The following CERS3 variants were observed in gnomAD, a reference collection of about 807,000 sequenced individuals.
The protein encoded by CERS3 is LAG1 homolog, ceramide synthase 3.
In CERS3, 33 loss-of-function variants were observed where a neutral mutation model predicts 50.3. The ratio of observed to expected loss-of-function variants is 0.66; its 90% CI spans 0.50 to 0.88. The LOEUF (loss-of-function observed/expected upper bound fraction) is 0.88. Among genes scored for constraint, CERS3 ranks in the 40% least tolerant of loss-of-function variants. The probability of loss-of-function intolerance (pLI) is 0.00; values close to 1 mark genes in which losing one functional copy is unlikely to be tolerated. For missense variants in CERS3, 470 were observed against 460.3 expected, an observed-to-expected ratio of 1.02 and a Z score of -0.19; for synonymous variants, 176 against 155.2, an observed-to-expected ratio of 1.13 and a Z score of -0.99.
rs569793481 is a variant in CERS3 at position 100,400,972 on chromosome 15, C to T, written c.*1741G>A. On this transcript the variant is annotated 3_prime_UTR_variant, in exon 12 of 12. Coordinates refer to ENST00000679737, the MANE Select transcript of CERS3 (RefSeq NM_001378789.1). ...AATCTGACCTTGTTTGTAACAATTT[C>T]TCAGAAAGAGATATTGTTGTGGAAA... 2 of 152,210 alleles carry T rather than the reference C, an allele frequency of 1.3e-5. No individual in the cohort carries two copies. Among genetic ancestry groups the T allele is most frequent in the African/African-American group, 4.8e-5 (2 of 41,528 alleles). The allele number at this position is 152,210 out of a possible 1,614,324, so 9.4% of individuals were successfully genotyped here. A position where few individuals can be genotyped will look rare whatever the true frequency, so the allele number is the denominator to read the frequency against.
At chr15:100,421,160 A>T (rs1390722589) in intron 11 of CERS3, among the ~76,000 whole-genome samples, 2 of 151,848 alleles carry the variant, frequency 1.3e-5, no homozygotes, top group African/African-American at 4.9e-5. Context: ...TTTGCAGACA[A>T]CATGATTGTA....
At chr15:100,440,023 C>T (rs2033609933) in intron 11 of CERS3, among the ~76,000 whole-genome samples, 1 of 152,178 alleles carries the variant, frequency 6.6e-6, no homozygotes, top group African/African-American at 2.4e-5. Flanking sequence ...TTCCAAGCTT[C>T]ACTCCCCCAG....
chr15:100,503,423 C>T (rs1172297696), intron 2 of CERS3, among the ~76,000 whole-genome samples: 1 of 152,178 alleles, frequency 6.6e-6, no homozygotes, highest in African/African-American at 2.4e-5. Context: ...GCTGGTGGGA[C>T]AAGCAGGCTA....
intron 4 of CERS3, among the ~76,000 whole-genome samples, chr15:100,486,770 A>G (rs2035497885): frequency 2.0e-5 from 3 of 152,230 alleles, no homozygotes; most frequent in Non-Finnish European, 1.5e-5. Flanking sequence ...AAAGGATTTA[A>G]AGAGTCTCTA....
At chr15:100,440,026 TC>T (rs1328390195) in intron 11 of CERS3, among the ~76,000 whole-genome samples, 1 of 152,060 alleles carries the variant, frequency 6.6e-6, no homozygotes, top group African/African-American at 2.4e-5. Flanking sequence ...CAAGCTTCAC[TC>T]CCCCAGATCC....
chr15:100,499,543 T>C (rs1378856476), intron 3 of CERS3, among the ~76,000 whole-genome samples: 1 of 152,218 alleles, frequency 6.6e-6, no homozygotes, highest in Non-Finnish European at 1.5e-5. Context: ...TGATCTTAAA[T>C]AGTTCTTGGC....
At chr15:100,433,735 A>G (rs2033257595) in intron 11 of CERS3, among the ~76,000 whole-genome samples, 1 of 152,240 alleles carries the variant, frequency 6.6e-6, no homozygotes, top group African/African-American at 2.4e-5. Context: ...ACACACACAC[A>G]CACCTATACA....
intron 2 of CERS3, among the ~76,000 whole-genome samples, chr15:100,508,923 T>TA (rs1224142608): frequency 1.3e-5 from 2 of 152,218 alleles, no homozygotes; most frequent in East Asian, 1.9e-4. Context: ...TTTATTTACA[T>TA]AAAAAAATCT....
intron 11 of CERS3, among the ~76,000 whole-genome samples, chr15:100,443,235 C>G (rs146580652): frequency 0.013 from 2,024 of 151,102 alleles, 4 homozygotes; most frequent in African/African-American, 0.045. Context: ...GCACCCCTTA[C>G]CATCTCATTG....
At chr15:100,518,942 T>C (rs1438038541) in intron 2 of CERS3, among the ~76,000 whole-genome samples, 8 of 152,172 alleles carry the variant, frequency 5.3e-5, no homozygotes, top group African/African-American at 1.9e-4. Flanking sequence ...GGCAGGCAGA[T>C]CACCAGGTCA....
At position 100,502,793 on chromosome 15, in the gene CERS3, A is replaced by AT. The variant is rs908250075; in HGVS notation, c.-1-944dup. Among the ~76,000 whole-genome samples, 79 of 147,976 alleles carry AT rather than the reference A, an allele frequency of 5.3e-4. 1 individual carries two copies. The highest frequency in any genetic ancestry group is 1.1e-3 in the African/African-American group (45 of 40,566). ...AGGCCTGAACTCATGACTTCAACAC[A>AT]TTTTTTTTTTTAGGTATGCTAAAAA... On this transcript the variant is annotated intron_variant, in intron 2 of 11. Coordinates refer to ENST00000679737, the MANE Select transcript of CERS3 (RefSeq NM_001378789.1).
chr15:100,441,373 A>C (rs1182076269), intron 11 of CERS3, among the ~76,000 whole-genome samples: 1 of 133,788 alleles, frequency 7.5e-6, no homozygotes, highest in East Asian at 2.2e-4. Flanking sequence ...TCTGCACCCC[A>C]ATCCCTTATT....
chr15:100,479,316 G>A (rs1022150913), intron 7 of CERS3, 112 bp downstream of exon 7: 6 of 713,504 alleles, frequency 8.4e-6, no homozygotes, highest in Non-Finnish European at 1.4e-5. Flanking sequence ...AAAGTGCCAG[G>A]GATGACACAG....
In CERS3 at chr15:100,456,006, C is replaced by T. The variant is rs756215155; in HGVS notation, c.886G>A (p.Glu296Lys). The T allele has an allele frequency of 1.4e-5, 22 of 1,612,592 alleles. No individual in the cohort carries two copies. In the South Asian group the frequency reaches 1.4e-4, roughly 10 times the overall value. The change falls in exon 11 of 12, where the codon GAG (glutamate) becomes AAG (lysine). Residue 296 changes from glutamate (E) to lysine (K), a missense_variant. Coordinates refer to ENST00000679737, the MANE Select transcript of CERS3 (RefSeq NM_001378789.1). The part of the protein sequence containing the change: ...CTLILPMYHL[E>K]PFFSYIFLNL... ...AGGAAGATGTATGAAAAGAAAGGCT[C>T]GAGGTGATACATAGGCAAGATCAGC...
chr15:100,432,384 C>T (rs1363406233), intron 11 of CERS3, among the ~76,000 whole-genome samples: 1 of 152,094 alleles, frequency 6.6e-6, no homozygotes, highest in Non-Finnish European at 1.5e-5. Context: ...CCAACAAAAA[C>T]GAAAAACCAC....
At chr15:100,418,652 A>G (rs2032158100) in intron 11 of CERS3, among the ~76,000 whole-genome samples, 1 of 130,934 alleles carries the variant, frequency 7.6e-6, no homozygotes, top group Non-Finnish European at 1.7e-5. Context: ...AGTTGAAATC[A>G]AGGAAAAAAT....
chr15:100,504,336 T>C (rs1445913574), intron 2 of CERS3, among the ~76,000 whole-genome samples: 2 of 149,474 alleles, frequency 1.3e-5, no homozygotes, highest in Non-Finnish European at 3.0e-5. Context: ...CTCTGCCTTC[T>C]GGGTTCAAGC....
At chr15:100,513,484 T>G (rs915181129) in intron 2 of CERS3, among the ~76,000 whole-genome samples, 1 of 152,022 alleles carries the variant, frequency 6.6e-6, no homozygotes, top group East Asian at 1.9e-4. Context: ...ACTGCAACTG[T>G]GAGGGGTCTG....
At chr15:100,452,225 A>G (rs2034198947) in intron 11 of CERS3, among the ~76,000 whole-genome samples, 1 of 152,232 alleles carries the variant, frequency 6.6e-6, no homozygotes, top group African/African-American at 2.4e-5. Flanking sequence ...ATATGTTAGG[A>G]CATAAAACAT....
Sources: gnomAD v4.1 joint callset for allele counts (sites outside exome capture counted in the v4.1 genomes callset) on GRCh38, gnomAD v4.1.1 for gene constraint, MANE v1.5 for transcripts, NCBI Gene and HGNC (gene_info 2026-07-23, HGNC 2026-07-21) for gene names.